Variants in BRAT1 observed in about 807,000 individuals in gnomAD.
BRAT1 encodes BRCA1 associated ATM activator 1, also known as integrator complex assembly factor BRAT1.
In BRAT1, 74 loss-of-function variants were observed where a neutral mutation model predicts 70.6. That is an observed-to-expected ratio of 1.05 (90% CI 0.87 to 1.27). The LOEUF (loss-of-function observed/expected upper bound fraction) is 1.27, where lower values mean the gene tolerates loss of function less well. Ranked by LOEUF, BRAT1 falls within the 50% of genes most tolerant of loss-of-function variation. The probability of loss-of-function intolerance (pLI) is 0.00; values close to 1 mark genes in which losing one functional copy is unlikely to be tolerated. For missense variants in BRAT1, 1,203 were observed against 1,098.2 expected (o/e 1.10, Z -1.35); for synonymous variants, 615 against 517.1 (o/e 1.19, Z -2.57).
Position 2,554,300 on chromosome 7 carries a change from C to CTTA in BRAT1, c.127+2_127+4dup. 1 of 1,613,314 alleles carries CTTA rather than the reference C, an allele frequency of 6.2e-7. No homozygotes were observed. The highest frequency in any genetic ancestry group is 1.3e-5 in the African/African-American group (1 of 75,050). On this transcript the variant is annotated splice_donor_region_variant and intron_variant, in intron 2 of 13. Coordinates refer to ENST00000340611, the MANE Select transcript of BRAT1 (RefSeq NM_152743.4). ...AGGCAGTAAACAGCAGCACCACCTC[C>CTTA]TTACCTCCTTCAGTGACCGTTTTAA...
At position 2,543,779 on chromosome 7, in the gene BRAT1, G is replaced by C. The variant is rs1779371556; in HGVS notation, c.614C>G (p.Ser205Cys). The C allele has an allele frequency of 6.2e-7, 1 of 1,612,092 alleles. No individual in the cohort carries two copies. Among genetic ancestry groups the C allele is most frequent in the South Asian group, 1.1e-5 (1 of 90,986 alleles). Reference sequence around the variant, plus strand: ...CTTGGGGGTGGCCGCGGAGCACAAGGACTCTTCAACGTGATCCATGATCTT... The same window carrying C: ...CTTGGGGGTGGCCGCGGAGCACAAGCACTCTTCAACGTGATCCATGATCTT... The part of the protein sequence containing the change: ...AQKIMDHVEE[S>C]LCSAATPKVT... Residue 205 changes from serine to cysteine, a missense_variant, in exon 5 of 14, where the codon TCC (serine) becomes TGC (cysteine). Physicochemically the swap from Ser to Cys is moderately radical, Grantham distance 112. Transcript: ENST00000340611. The surrounding 1 kb of genome is among the most constrained non-coding windows in gnomAD (Gnocchi z 5.5).
chr7:2,553,624 T>C (rs1246257363), intron 2 of BRAT1, among the ~76,000 whole-genome samples: 1 of 152,102 alleles, frequency 6.6e-6, no homozygotes, highest in Non-Finnish European at 1.5e-5. Flanking sequence ...CTTTTGTTCA[T>C]GTTTTAAAGA....
At chr7:2,542,314 G>C (rs1254096463) in intron 6 of BRAT1, 103 bp from the exon 7 acceptor site, 11 of 957,012 alleles carry the variant, frequency 1.1e-5, no homozygotes, top group African/African-American at 1.6e-5. Flanking sequence ...CCAGGGGGTT[G>C]GGACACCCCC....
chr7:2,547,786 T>C (rs567124983), intron 2 of BRAT1, among the ~76,000 whole-genome samples: 1 of 152,104 alleles, frequency 6.6e-6, no homozygotes, highest in South Asian at 2.1e-4. Flanking sequence ...GAAATGCAAA[T>C]TAAAGTGAAA....
chr7:2,541,775 C>G lies in BRAT1; in HGVS notation c.1077G>C (p.Ser359=). Residue 359 remains serine (S), a synonymous_variant, in exon 8 of 14, where the codon TCG becomes TCC. Coordinates refer to ENST00000340611, the MANE Select transcript of BRAT1 (RefSeq NM_152743.4). ...TGCGGCACAGGAGGCCGGCGCAGGA[C>G]GACTTGGAGGCCAGGAGTGTGTCCA... ...TTVDTLLASK[S]SCAGLLCRTL... 6.2e-7 allele frequency: 1 copy of G among 1,612,544 alleles called. No homozygotes were observed.
At chr7:2,541,230 C>A in intron 9 of BRAT1, 68 bp downstream of exon 9, 1 of 1,509,152 alleles carries the variant, frequency 6.6e-7, no homozygotes, top group Non-Finnish European at 8.8e-7. Context: ...TCCCGGGTGC[C>A]TCCGAGCAGA....
Position 2,538,611 on chromosome 7 carries a change from C to T in BRAT1, c.1924G>A (p.Ala642Thr). ...ACCTCCCAGTCCAGGTCTCGGCTCG[C>T]CGCCTGCAGCACAGTGGCCACGAAC... ...EQFVATVLQAASRDLDWEVRA... is the reference protein window; with the variant it reads ...EQFVATVLQATSRDLDWEVRA... Residue 642 changes from alanine to threonine, a missense_variant, in exon 14 of 14, where the codon GCG becomes ACG. Ala to Thr is a moderately conservative substitution (Grantham distance 58, BLOSUM62 0). Coordinates refer to ENST00000340611, the MANE Select transcript of BRAT1 (RefSeq NM_152743.4). The T allele has an allele frequency of 6.3e-7, 1 of 1,597,530 alleles. No individual in the cohort carries two copies. Among genetic ancestry groups the T allele is most frequent in the Non-Finnish European group, 8.5e-7 (1 of 1,178,816 alleles).
At chr7:2,552,134 T>TTTTA (rs1780086643) in intron 2 of BRAT1, among the ~76,000 whole-genome samples, 1 of 103,842 alleles carries the variant, frequency 9.6e-6, no homozygotes, top group Non-Finnish European at 2.0e-5. Context: ...TTTTTTTTTT[T>TTTTA]GAGACAAGAG....
At chr7:2,544,778 G>T (rs1230653357) in intron 4 of BRAT1, 131 bp downstream of exon 4, 23 of 1,372,048 alleles carry the variant, frequency 1.7e-5, no homozygotes, top group Non-Finnish European at 1.9e-5. Flanking sequence ...CAGCCGTACT[G>T]TCACAGTGCA....
chr7:2,546,526 G>A (rs932813642), intron 3 of BRAT1, among the ~76,000 whole-genome samples: 17 of 152,156 alleles, frequency 1.1e-4, no homozygotes, highest in Non-Finnish European at 2.1e-4. Flanking sequence ...TTGAGGTCAA[G>A]GAGTTCGTGA....
intron 2 of BRAT1, among the ~76,000 whole-genome samples, chr7:2,551,818 A>G (rs1780025046): frequency 6.6e-6 from 1 of 151,788 alleles, no homozygotes; most frequent in South Asian, 2.1e-4. Context: ...CTATGTCTCA[A>G]TAAAAGTCTC....
rs749240175 is a variant in BRAT1, at chr7:2,541,304, CCT to C, written c.1313_1314del (p.Gln438ArgfsTer51). On this transcript the variant is annotated frameshift_variant, in exon 9 of 14. Transcript: ENST00000340611. LOFTEE classifies it high-confidence loss of function. ...AALDFLGTLS[Q>X]GTGPQELVTQ... ...CCGTACAGAACACACTCACCTGTCC[CCT>C]GTGACAGCGTCCCCAGGAAGTCGAG... 50 of 1,590,352 alleles carry C rather than the reference CCT, an allele frequency of 3.1e-5. No individual in the cohort carries two copies. Among genetic ancestry groups the C allele is most frequent in the Admixed American group, 1.2e-4 (7 of 58,478 alleles).
rs573774447 is a variant in BRAT1 at position 2,543,416 on chromosome 7, G to C, written c.804-93C>G. On this transcript the variant is annotated intron_variant, in intron 5 of 13. Coordinates refer to ENST00000340611, the MANE Select transcript of BRAT1 (RefSeq NM_152743.4). The surrounding 1 kb of genome is among the most constrained non-coding windows in gnomAD (Gnocchi z 5.5). ...GACTGCCATGGCTCCGGCACTGGAGGCGCCCAGCCCAAGACAGGCCTTTCC... is the reference window on the plus strand; with the variant it reads ...GACTGCCATGGCTCCGGCACTGGAGCCGCCCAGCCCAAGACAGGCCTTTCC... The C allele has an allele frequency of 3.6e-5, 54 of 1,494,064 alleles. No individual in the cohort carries two copies. Among genetic ancestry groups the C allele is most frequent in the Non-Finnish European group, 4.8e-5 (54 of 1,123,748 alleles). 92.6% of individuals were successfully genotyped at this position (1,494,064 alleles called of 1,614,324 possible).
chr7:2,540,528 C>G (rs890884822), intron 10 of BRAT1: 1 of 164,232 alleles, frequency 6.1e-6, no homozygotes, highest in Non-Finnish European at 1.3e-5. Flanking sequence ...CCTTAGGATC[C>G]CAAGAAGCCC....
intron 2 of BRAT1, among the ~76,000 whole-genome samples, chr7:2,552,080 A>AT (rs1780046593): frequency 3.8e-5 from 1 of 26,344 alleles, no homozygotes; most frequent in East Asian, 2.2e-3. Context: ...GCATAGTCTT[A>AT]AATATATATA....
chr7:2,539,577 C>G lies in BRAT1; in HGVS notation c.1564G>C (p.Glu522Gln), dbSNP rs145509776. 156 of 1,581,582 alleles carry G rather than the reference C, an allele frequency of 9.9e-5. No individual in the cohort carries two copies. In the African/African-American group the frequency reaches 1.9e-3, roughly 19 times the overall value. Residue 522 changes from glutamate to glutamine, a missense_variant, in exon 12 of 14, where the codon GAG (glutamate) becomes CAG (glutamine). Coordinates refer to ENST00000340611, the MANE Select transcript of BRAT1 (RefSeq NM_152743.4). ...PCWEVRDSAL[E>Q]FLTQLSRHWG... ...TGCCTGCTCAGCTGGGTCAGGAACTCGAGGGCGGAGTCCCTCACCTCCCAG... is the reference window on the plus strand; with the variant it reads ...TGCCTGCTCAGCTGGGTCAGGAACTGGAGGGCGGAGTCCCTCACCTCCCAG...
In BRAT1 at chr7:2,542,141, C is replaced by T; in HGVS notation, c.994G>A (p.Val332Ile). 1.9e-6 allele frequency: 3 copies of T among 1,565,454 alleles called. No individual in the cohort carries two copies. Among genetic ancestry groups the T allele is most frequent in the Non-Finnish European group, 2.6e-6 (3 of 1,155,660 alleles). ...QPLACVLKAT[V>I]QAPGPPGLLD... ...ACACCTGGGGGTCCGGGGGCCTGAA[C>T]CGTGGCCTTCAGGACACAGGCCAGG... is the stretch of plus-strand genomic sequence containing the variant. The change falls in exon 7 of 14, where the codon GTT (valine) becomes ATT (isoleucine). Residue 332 changes from valine to isoleucine, a missense_variant. By Grantham distance (29) the Val-to-Ile change is conservative. Transcript: ENST00000340611.
chr7:2,549,038 T>C (rs1012002436), intron 2 of BRAT1, among the ~76,000 whole-genome samples: 10 of 152,170 alleles, frequency 6.6e-5, no homozygotes, highest in South Asian at 4.1e-4. Flanking sequence ...TGAAGGGTTT[T>C]GAAACAAAAC....
rs1449525170 is a variant in BRAT1 at position 2,554,352 on chromosome 7, G to A, written c.80C>T (p.Thr27Ile). The A allele has an allele frequency of 1.9e-6, 3 of 1,613,952 alleles. No individual in the cohort carries two copies. Among genetic ancestry groups the A allele is most frequent in the South Asian group, 1.1e-5 (1 of 91,094 alleles). Residue 27 changes from threonine (T) to isoleucine (I), a missense_variant, in exon 2 of 14, where the codon ACC (threonine) becomes ATC (isoleucine). Coordinates refer to ENST00000340611, the MANE Select transcript of BRAT1 (RefSeq NM_152743.4). ...VDPRQPVADD[T>I]CLEKLLDWFK... ...CCAGTCCAGGAGCTTCTCCAAACAG[G>A]TGTCATCTGCCACCGGCTGCCTGGG...
Sources: allele counts gnomAD v4.1 joint callset (sites outside exome capture counted in the v4.1 genomes callset), GRCh38; gene constraint gnomAD v4.1.1; non-coding constraint Gnocchi (gnomAD v3.1); transcripts MANE v1.5; gene names NCBI Gene and HGNC (gene_info 2026-07-23, HGNC 2026-07-21).